Variants in HADHB observed in about 807,000 individuals in gnomAD.
HADHB encodes hydroxyacyl-CoA dehydrogenase trifunctional multienzyme complex subunit beta.
A neutral mutation model predicts 61.9 loss-of-function variants in HADHB; 50 were observed. The ratio of observed to expected loss-of-function variants is 0.81; its 90% CI spans 0.64 to 1.02. HADHB has a LOEUF of 1.02. Ranked by LOEUF, HADHB falls within the 50% of genes least tolerant of loss-of-function variation. HADHB has a pLI of 0.00. For missense variants in HADHB, 504 were observed against 586.5 expected, an observed-to-expected ratio of 0.86 and a Z score of 1.45; for synonymous variants, 191 against 201.6, an observed-to-expected ratio of 0.95 and a Z score of 0.45.
At chr2:26,268,524 A>G (rs10445947) in intron 4 of HADHB, among the ~76,000 whole-genome samples, 86,360 of 152,086 alleles carry the variant, frequency 0.57, 26,843 homozygotes, top group Non-Finnish European at 0.72. Context: ...TCATGTTGAT[A>G]TCATGTGCCC....
At chr2:26,262,429 A>G (rs936896660) in intron 3 of HADHB, among the ~76,000 whole-genome samples, 2 of 152,218 alleles carry the variant, frequency 1.3e-5, no homozygotes, top group Non-Finnish European at 2.9e-5. Flanking sequence ...ATATACACCA[A>G]ATAAACAGAC....
chr2:26,253,853 CAAA>C (rs1298963823), intron 1 of HADHB, among the ~76,000 whole-genome samples: 2 of 75,682 alleles, frequency 2.6e-5, no homozygotes, highest in African/African-American at 8.2e-5. Context: ...AACTCCATCT[CAAA>C]AAAATAAATA....
chr2:26,250,682 A>C (rs1671363658), intron 1 of HADHB, among the ~76,000 whole-genome samples: 1 of 148,922 alleles, frequency 6.7e-6, no homozygotes, highest in African/African-American at 2.5e-5. Context: ...TTAGCCAGGC[A>C]TGGTGGCATG....
chr2:26,251,517 G>C lies in HADHB; in HGVS notation c.-8-2730G>C, dbSNP rs72849947. On this transcript the variant is annotated intron_variant, in intron 1 of 15. Transcript: ENST00000317799. ...AAGTTTTGTTATCTGTTGCAACAAG[G>C]TTCCCCCTTTTGTTTTTCAACATTT... Among the ~76,000 whole-genome samples, 961 of 152,230 alleles carry C rather than the reference G, an allele frequency of 6.3e-3. 8 individuals are homozygous for C. Among genetic ancestry groups the C allele is most frequent in the African/African-American group, 0.022 (899 of 41,548 alleles).
chr2:26,268,057 G>C (rs1224263051), intron 4 of HADHB, among the ~76,000 whole-genome samples: 1 of 152,132 alleles, frequency 6.6e-6, no homozygotes, highest in Non-Finnish European at 1.5e-5. Flanking sequence ...TGGGAAGATT[G>C]CTTGAGCCCA....
intron 2 of HADHB, 53 bp from the exon 3 acceptor site, chr2:26,254,377 G>T (rs567812886): frequency 3.4e-6 from 5 of 1,459,104 alleles, no homozygotes; most frequent in Non-Finnish European, 4.8e-6. Flanking sequence ...TAAACATCTC[G>T]CACAGATACT....
At chr2:26,285,672 A>C in intron 15 of HADHB, 101 bp downstream of exon 15, 1 of 646,950 alleles carries the variant, frequency 1.5e-6, no homozygotes, top group East Asian at 5.6e-5. Flanking sequence ...AATATTTTTG[A>C]TGACCTGGGG....
intron 4 of HADHB, among the ~76,000 whole-genome samples, chr2:26,268,481 C>T (rs184974189): frequency 4.2e-4 from 64 of 152,218 alleles, no homozygotes; most frequent in Admixed American, 3.7e-3. Flanking sequence ...ATCACTTGAC[C>T]CAAATCATCA....
intron 3 of HADHB, chr2:26,261,408 C>T (rs1440499597): frequency 5.3e-6 from 1 of 190,070 alleles, no homozygotes; most frequent in African/African-American, 2.3e-5. Context: ...AGAGGTTTTG[C>T]TTTGCATCTT....
intron 3 of HADHB, among the ~76,000 whole-genome samples, chr2:26,257,424 G>A (rs907856201): frequency 2.0e-5 from 3 of 151,974 alleles, no homozygotes; most frequent in Non-Finnish European, 4.4e-5. Flanking sequence ...CCGGCCAAGA[G>A]CTCCCCTTCT....
intron 12 of HADHB, 110 bp from the exon 13 acceptor site, chr2:26,284,005 GAA>G (rs1282516590): frequency 4.3e-6 from 3 of 699,196 alleles, no homozygotes; most frequent in African/African-American, 3.6e-5. Context: ...AAAAATCAAA[GAA>G]TGAGTGAAAA....
chr2:26,275,986 A>G (rs1485072675), intron 6 of HADHB, among the ~76,000 whole-genome samples: 1 of 152,216 alleles, frequency 6.6e-6, no homozygotes, highest in Non-Finnish European at 1.5e-5. Flanking sequence ...CCAGTATTTC[A>G]TAGTAAATAT....
chr2:26,259,573 T>G (rs1671776999), intron 3 of HADHB, among the ~76,000 whole-genome samples: 1 of 152,226 alleles, frequency 6.6e-6, no homozygotes, highest in South Asian at 2.1e-4. Context: ...CCCCCAGGGC[T>G]CTGCAGAACC....
chr2:26,288,509 G>A lies in HADHB; in HGVS notation c.1390-1409G>A, dbSNP rs1303872059. 3.3e-5 allele frequency among the ~76,000 whole-genome samples: 5 copies of A among 151,756 alleles called. No homozygotes were observed. In the South Asian group the frequency reaches 8.3e-4, roughly 25 times the overall value. ...AGATTGCTTGAGCTCAGGAGTTCGAGACCATCCTGGACAACATGGCAAAAC... is the reference window on the plus strand; with the variant it reads ...AGATTGCTTGAGCTCAGGAGTTCGAAACCATCCTGGACAACATGGCAAAAC... On this transcript the variant is annotated intron_variant, in intron 15 of 15. Coordinates refer to ENST00000317799, the MANE Select transcript of HADHB (RefSeq NM_000183.3).
chr2:26,279,451 T>C (rs1672696022), intron 9 of HADHB, 136 bp downstream of exon 9: 1 of 704,500 alleles, frequency 1.4e-6, no homozygotes, highest in South Asian at 1.5e-5. Flanking sequence ...TAAATATGGA[T>C]GCAAATTTTG....
At chr2:26,285,739 G>GTTTTTTTTTTTT (rs766742523) in intron 15 of HADHB, among the ~76,000 whole-genome samples, 168 bp downstream of exon 15, 1,284 of 64,990 alleles carry the variant, frequency 0.02, 366 homozygotes, top group African/African-American at 0.081. Flanking sequence ...TGTTTTTTGG[G>GTTTTTTTTTTTT]TTTTTTTTTT....
chr2:26,279,060 AAC>A, intron 8 of HADHB, 73 bp from the exon 9 acceptor site: 2 of 1,227,082 alleles, frequency 1.6e-6, no homozygotes, highest in Non-Finnish European at 2.4e-6. Context: ...TTTTCCAAAT[AAC>A]ACAGAACAAT....
intron 1 of HADHB, among the ~76,000 whole-genome samples, chr2:26,246,602 A>G (rs1029222435): frequency 3.9e-5 from 6 of 151,910 alleles, no homozygotes; most frequent in Admixed American, 1.3e-4. Flanking sequence ...CTGCCCCCCA[A>G]AGTGCTGGGA....
chr2:26,276,244 GATT>G (rs1392745737), intron 6 of HADHB, among the ~76,000 whole-genome samples: 1 of 152,144 alleles, frequency 6.6e-6, no homozygotes, highest in Non-Finnish European at 1.5e-5. Flanking sequence ...ATTTTTAAAA[GATT>G]AATAATGACC....
Sources: allele counts gnomAD v4.1 joint callset (sites outside exome capture counted in the v4.1 genomes callset), GRCh38; gene constraint gnomAD v4.1.1; transcripts MANE v1.5; gene names NCBI Gene and HGNC (gene_info 2026-07-23, HGNC 2026-07-21).